Variants in CRTC3 observed in about 807,000 individuals in gnomAD.
CRTC3 encodes CREB-regulated transcription coactivator 3.
CRTC3 carries 26 observed loss-of-function variants against 74.5 expected under a neutral mutation model. The ratio of observed to expected loss-of-function variants is 0.35; its 90% CI spans 0.26 to 0.48. The LOEUF is 0.48. CRTC3 is among the 20% of genes least tolerant of loss of function. The pLI, the probability that CRTC3 is intolerant of heterozygous loss-of-function variation, is 0.99. For synonymous variants in CRTC3, 377 were observed against 325.8 expected, an observed-to-expected ratio of 1.16 and a Z score of -1.69; for missense variants, 760 against 787.3, an observed-to-expected ratio of 0.97 and a Z score of 0.41.
chr15:90,630,178 T>C (rs1368537114), intron 11 of CRTC3, among the ~76,000 whole-genome samples: 1 of 152,192 alleles, frequency 6.6e-6, no homozygotes, highest in African/African-American at 2.4e-5. Context: ...CTAAGGCAAC[T>C]GAGGGAAACC....
intron 10 of CRTC3, among the ~76,000 whole-genome samples, chr15:90,628,535 A>G (rs923838211): frequency 1.3e-5 from 2 of 152,222 alleles, no homozygotes; most frequent in African/African-American, 4.8e-5. Context: ...CTGGGAGCTC[A>G]TGCCCTAGCA....
chr15:90,577,701 AAAG>A (rs1232270396), intron 2 of CRTC3, among the ~76,000 whole-genome samples: 1 of 152,218 alleles, frequency 6.6e-6, no homozygotes, highest in Non-Finnish European at 1.5e-5. Flanking sequence ...CAGCCATAAA[AAAG>A]AGTGAAATCC....
chr15:90,551,324 T>C (rs988112440), intron 2 of CRTC3, among the ~76,000 whole-genome samples: 1 of 60,174 alleles, frequency 1.7e-5, no homozygotes, highest in African/African-American at 8.5e-5. Context: ...TATCACTTTC[T>C]ACCTCTTTTT....
At chr15:90,558,580 T>A (rs766962420) in intron 2 of CRTC3, among the ~76,000 whole-genome samples, 6 of 152,086 alleles carry the variant, frequency 3.9e-5, no homozygotes, top group African/African-American at 1.4e-4. Context: ...ATGCTTTTTT[T>A]CCAGATATGT....
intron 13 of CRTC3, among the ~76,000 whole-genome samples, chr15:90,639,852 C>A (rs1168929450): frequency 6.6e-6 from 1 of 151,292 alleles, no homozygotes; most frequent in Non-Finnish European, 1.5e-5. Context: ...TCGAGACCAT[C>A]CTGGCTAACA....
chr15:90,643,067 G>A lies in CRTC3; in HGVS notation c.*927G>A, dbSNP rs1969506705. On this transcript the variant is annotated 3_prime_UTR_variant, in exon 15 of 15. Transcript: ENST00000268184. Reference sequence around the variant, plus strand: ...CCCTCCCCAGAGCTGTGTCTCTGTGGGCTGGGAGTCTAATGTCACCCCCCT... The same window carrying A: ...CCCTCCCCAGAGCTGTGTCTCTGTGAGCTGGGAGTCTAATGTCACCCCCCT... 4.3e-6 allele frequency: 1 copy of A among 232,198 alleles called. No homozygotes were observed. Among genetic ancestry groups the A allele is most frequent in the South Asian group, 1.8e-4 (1 of 5,520 alleles). The allele number at this position is 232,198 out of a possible 1,614,324, so 14.4% of individuals were successfully genotyped here. A position where few individuals can be genotyped will look rare whatever the true frequency, so the allele number is the denominator to read the frequency against.
In CRTC3 at chr15:90,543,850, CTGTT is replaced by C. The variant is rs550086239; in HGVS notation, c.231+3717_231+3720del. On this transcript the variant is annotated intron_variant, in intron 2 of 14. Transcript: ENST00000268184. ...ATTACCCCAAAAGGTTCCCTTGTGTCTGTTTGTAAGTATTCTCCATCCCCCACCT... is the reference window on the plus strand; with the variant it reads ...ATTACCCCAAAAGGTTCCCTTGTGTCTGTAAGTATTCTCCATCCCCCACCT... Among the ~76,000 whole-genome samples, 328 of 152,272 alleles carry C rather than the reference CTGTT, an allele frequency of 2.2e-3. 1 individual carries two copies. Among genetic ancestry groups the C allele is most frequent in the Admixed American group, 3.7e-3 (57 of 15,290 alleles).
Position 90,545,743 on chromosome 15 carries a change from A to AT in CRTC3, c.231+5614dup, listed in dbSNP as rs71154111. ...AGGCACCTGCCACCACGCCCGGGTA[A>AT]TTTTTTTTGTATTTTTAGTAGAGAC... On this transcript the variant is annotated intron_variant, in intron 2 of 14. Coordinates refer to ENST00000268184, the MANE Select transcript of CRTC3 (RefSeq NM_022769.5). Among the ~76,000 whole-genome samples the AT allele has an allele frequency of 3.0e-4, 46 of 151,412 alleles. 1 individual carries two copies. The highest frequency in any genetic ancestry group is 9.7e-4 in the East Asian group (5 of 5,136).
rs1160198402 is a variant in CRTC3 at position 90,643,697 on chromosome 15, A to T, written c.*1557A>T. 8 of 222,214 alleles carry T rather than the reference A, an allele frequency of 3.6e-5. No homozygotes were observed. Among genetic ancestry groups the T allele is most frequent in the Non-Finnish European group, 6.2e-5 (7 of 112,308 alleles). The allele number at this position is 222,214 out of a possible 1,614,324, so 13.8% of individuals were successfully genotyped here. On this transcript the variant is annotated 3_prime_UTR_variant, in exon 15 of 15. Coordinates refer to ENST00000268184, the MANE Select transcript of CRTC3 (RefSeq NM_022769.5). ...CTCCTCTAACTTGGGTGATGCCAGT[A>T]GGTTTGAAGGGGGCAGAGCACTGCA... is the stretch of plus-strand genomic sequence containing the variant.
chr15:90,632,550 T>G (rs1160911964), intron 11 of CRTC3, among the ~76,000 whole-genome samples: 2 of 152,210 alleles, frequency 1.3e-5, no homozygotes, highest in African/African-American at 4.8e-5. Flanking sequence ...GTTAGGCATA[T>G]TCCTCACTGC....
chr15:90,563,682 T>G (rs1457252224), intron 2 of CRTC3, among the ~76,000 whole-genome samples: 15 of 152,080 alleles, frequency 9.9e-5, no homozygotes, highest in Non-Finnish European at 2.1e-4. Flanking sequence ...ACTCCCCCTT[T>G]AAGGTTAGCC....
intron 5 of CRTC3, among the ~76,000 whole-genome samples, chr15:90,605,118 G>A (rs998962539): frequency 1.3e-5 from 2 of 151,950 alleles, no homozygotes; most frequent in Non-Finnish European, 2.9e-5. Context: ...AAGGCGTGGT[G>A]GCACGTGCCT....
At chr15:90,629,121 C>T in intron 10 of CRTC3, 113 bp from the exon 11 acceptor site, 1 of 1,031,502 alleles carries the variant, frequency 9.7e-7, no homozygotes, top group Non-Finnish European at 1.4e-6. Flanking sequence ...CCAGGAGCTC[C>T]TTTACCTACA....
intron 1 of CRTC3, among the ~76,000 whole-genome samples, chr15:90,537,176 G>A (rs1250904432): frequency 6.6e-6 from 1 of 152,126 alleles, no homozygotes; most frequent in Non-Finnish European, 1.5e-5. Context: ...TTTCAAAAGA[G>A]GAAAATGTCA....
At chr15:90,558,544 C>A (rs1340856329) in intron 2 of CRTC3, among the ~76,000 whole-genome samples, 1 of 152,084 alleles carries the variant, frequency 6.6e-6, no homozygotes, top group African/African-American at 2.4e-5. Context: ...GTTCCTTGAA[C>A]CTTGCTTAGG....
intron 2 of CRTC3, among the ~76,000 whole-genome samples, chr15:90,585,387 C>T (rs1967635953): frequency 6.6e-6 from 1 of 152,170 alleles, no homozygotes; most frequent in Non-Finnish European, 1.5e-5. Context: ...TCAAGCAGTC[C>T]TCCCACCATG....
chr15:90,641,314 CT>C, intron 14 of CRTC3, 115 bp downstream of exon 14: 1 of 731,280 alleles, frequency 1.4e-6, no homozygotes, highest in Non-Finnish European at 2.3e-6. Flanking sequence ...TTAACGTTCC[CT>C]GGGTCGACTT....
At chr15:90,596,025 C>G (rs142462390) in intron 3 of CRTC3, 1 of 152,180 alleles carries the variant, frequency 6.6e-6, no homozygotes, top group South Asian at 2.1e-4. Context: ...TCTGGGGAAA[C>G]GAAGAAGGCA....
chr15:90,598,600 G>T, intron 3 of CRTC3: 1 of 693,676 alleles, frequency 1.4e-6, no homozygotes, highest in Middle Eastern at 3.5e-4. Context: ...GTGGACGGTG[G>T]CCTCACTAAA....
Sources: allele counts gnomAD v4.1 joint callset (sites outside exome capture counted in the v4.1 genomes callset), GRCh38; gene constraint gnomAD v4.1.1; transcripts MANE v1.5; gene names NCBI Gene and HGNC (gene_info 2026-07-23, HGNC 2026-07-21).